The following TXNDC8 variants were observed in gnomAD, a reference collection of about 807,000 sequenced individuals.
TXNDC8 encodes thioredoxin domain-containing protein 8.
In TXNDC8, 15 loss-of-function variants were observed where a neutral mutation model predicts 12.9. That is an observed-to-expected ratio of 1.16 (90% CI 0.78 to 1.79). TXNDC8 has a LOEUF of 1.79. TXNDC8 is among the 40% of genes most tolerant of loss of function. The pLI, the probability that TXNDC8 is intolerant of heterozygous loss-of-function variation, is 0.00. For synonymous variants in TXNDC8, 40 were observed against 35.4 expected (o/e 1.13, Z -0.46); for missense variants, 128 against 113.2 (o/e 1.13, Z -0.59).
chr9:110,336,235 A>G (rs1401378180), intron 1 of TXNDC8, among the ~76,000 whole-genome samples: 2 of 152,260 alleles, frequency 1.3e-5, no homozygotes, highest in Non-Finnish European at 2.9e-5. Flanking sequence ...ATAGACTAAT[A>G]CAACATGCCT....
intron 3 of TXNDC8, among the ~76,000 whole-genome samples, chr9:110,311,678 TTA>T (rs368580581): frequency 0.064 from 7,430 of 115,812 alleles, 311 homozygotes; most frequent in Non-Finnish European, 0.08. Flanking sequence ...TAGTATATCC[TTA>T]TATATATATA....
At chr9:110,303,460 A>G, downstream of TXNDC8, 2 of 1,492,142 alleles carry the variant, frequency 1.3e-6, no homozygotes, top group South Asian at 2.4e-5. Flanking sequence ...AAATGAAAGC[A>G]CAAACACATT....
intron 3 of TXNDC8, chr9:110,322,894 G>A (rs1255508485): frequency 1.0e-6 from 1 of 985,258 alleles, no homozygotes; most frequent in Non-Finnish European, 1.2e-6. Flanking sequence ...TCTAGTCACT[G>A]AGCTTTCAAA....
At chr9:110,303,356 C>T (rs1838311984), downstream of TXNDC8, among the ~76,000 whole-genome samples, 1 of 152,206 alleles carries the variant, frequency 6.6e-6, no homozygotes, top group Non-Finnish European at 1.5e-5. Context: ...CATATTGCAA[C>T]AGTTTTTAGC....
At chr9:110,306,576 A>G (rs1356122088) in intron 3 of TXNDC8, among the ~76,000 whole-genome samples, 2 of 152,152 alleles carry the variant, frequency 1.3e-5, no homozygotes, top group African/African-American at 2.4e-5. Context: ...AGTCAGATCC[A>G]TTTGTTCATT....
chr9:110,335,287 G>C lies in TXNDC8; in HGVS notation c.25-967C>G, dbSNP rs1377481090. On this transcript the variant is annotated intron_variant, in intron 1 of 4. Coordinates refer to ENST00000423740, the MANE Select transcript of TXNDC8 (RefSeq NM_001286946.2). ...GGGTCTGGCTGTTCATCCAGGCTGG[G>C]GTGTAGCGGTGCGATCTCAGCTCAC... Among the ~76,000 whole-genome samples, 8 of 151,900 alleles carry C rather than the reference G, an allele frequency of 5.3e-5. No homozygotes were observed. In the East Asian group the frequency reaches 1.5e-3, roughly 29 times the overall value.
chr9:110,309,079 C>G (rs1391085582), intron 3 of TXNDC8, among the ~76,000 whole-genome samples: 1 of 152,106 alleles, frequency 6.6e-6, no homozygotes, highest in Non-Finnish European at 1.5e-5. Flanking sequence ...TGTTAAGGAT[C>G]CTAATTCTAG....
chr9:110,332,369 T>G (rs967452254), intron 2 of TXNDC8, among the ~76,000 whole-genome samples: 10 of 152,186 alleles, frequency 6.6e-5, no homozygotes, highest in Non-Finnish European at 1.5e-4. Flanking sequence ...CTTCTAGATA[T>G]TCTAAGAATT....
chr9:110,337,677 A>T, intron 1 of TXNDC8, 96 bp downstream of exon 1: 4 of 1,159,678 alleles, frequency 3.4e-6, no homozygotes, highest in Non-Finnish European at 3.8e-6. Context: ...GCAATGATAG[A>T]ATACTGGATA....
At chr9:110,335,873 T>C (rs986537167) in intron 1 of TXNDC8, among the ~76,000 whole-genome samples, 1 of 152,178 alleles carries the variant, frequency 6.6e-6, no homozygotes, top group Admixed American at 6.5e-5. Context: ...ACAAATGACA[T>C]GTGATACAGT....
intron 2 of TXNDC8, among the ~76,000 whole-genome samples, chr9:110,328,248 C>T (rs1440815394): frequency 6.6e-6 from 1 of 152,120 alleles, no homozygotes; most frequent in Non-Finnish European, 1.5e-5. Context: ...GTTGGTACCT[C>T]TCATCATTAC....
chr9:110,308,464 TG>T (rs945183829), intron 3 of TXNDC8, among the ~76,000 whole-genome samples: 43 of 129,674 alleles, frequency 3.3e-4, no homozygotes, highest in African/African-American at 1.3e-3. Context: ...GAGATCACAT[TG>T]TTTTTTTTTT....
chr9:110,317,154 A>G (rs1564099529), intron 3 of TXNDC8, among the ~76,000 whole-genome samples: 1 of 152,218 alleles, frequency 6.6e-6, no homozygotes, highest in Non-Finnish European at 1.5e-5. Context: ...CACCTTGAAC[A>G]GGAAAACTGA....
intron 3 of TXNDC8, among the ~76,000 whole-genome samples, chr9:110,315,246 C>T (rs1362063885): frequency 2.0e-5 from 3 of 151,722 alleles, no homozygotes; most frequent in Non-Finnish European, 4.4e-5. Context: ...TACAAGCACC[C>T]GCCACCACAC....
At chr9:110,308,645 G>C (rs558953019) in intron 3 of TXNDC8, among the ~76,000 whole-genome samples, 85 of 151,394 alleles carry the variant, frequency 5.6e-4, no homozygotes, top group African/African-American at 2.0e-3. Flanking sequence ...CCATGCACTT[G>C]GTTTCTGTGT....
intron 2 of TXNDC8, among the ~76,000 whole-genome samples, chr9:110,331,330 C>T (rs760506962): frequency 6.6e-6 from 1 of 152,148 alleles, no homozygotes; most frequent in Non-Finnish European, 1.5e-5. Context: ...GCTTCTGACT[C>T]TGACCGCTGC....
At chr9:110,315,410 T>G (rs1838846114) in intron 3 of TXNDC8, among the ~76,000 whole-genome samples, 1 of 152,128 alleles carries the variant, frequency 6.6e-6, no homozygotes. Context: ...GGGCAATTTT[T>G]TTTAATGCCA....
chr9:110,325,931 T>C (rs1295113173), intron 3 of TXNDC8, among the ~76,000 whole-genome samples: 2 of 152,254 alleles, frequency 1.3e-5, no homozygotes, highest in African/African-American at 4.8e-5. Context: ...CTTATGGACT[T>C]GGATACCTCA....
intron 3 of TXNDC8, chr9:110,322,924 G>C: frequency 1.0e-6 from 1 of 985,398 alleles, no homozygotes; most frequent in Non-Finnish European, 1.2e-6. Flanking sequence ...ACCTCCTTCA[G>C]GTGCTTGGAC....
Sources: gnomAD v4.1 joint callset for allele counts (sites outside exome capture counted in the v4.1 genomes callset) on GRCh38, gnomAD v4.1.1 for gene constraint, MANE v1.5 for transcripts, NCBI Gene and HGNC (gene_info 2026-07-23, HGNC 2026-07-21) for gene names.